FSD1L: variants seen among roughly 807,000 people sequenced by gnomAD.
The protein encoded by FSD1L is FSD1-like protein.
Under a neutral mutation model 71.6 loss-of-function variants are expected in FSD1L, and 45 were observed. The ratio of observed to expected loss-of-function variants is 0.63; its 90% CI spans 0.49 to 0.81. The LOEUF is 0.81. Ranked by LOEUF, FSD1L falls within the 30% of genes least tolerant of loss-of-function variation. The pLI, the probability that FSD1L is intolerant of heterozygous loss-of-function variation, is 0.00. For missense variants in FSD1L, 561 were observed against 618.1 expected (o/e 0.91, Z 0.98); for synonymous variants, 197 against 207.2 (o/e 0.95, Z 0.42).
rs552429151 is a variant in FSD1L, at chr9:105,456,537, A to C, written c.16-4983A>C. Among the ~76,000 whole-genome samples, 45 of 152,374 alleles carry C rather than the reference A, an allele frequency of 3.0e-4. 1 individual carries two copies. Among genetic ancestry groups the C allele is most frequent in the African/African-American group, 1.1e-3 (44 of 41,590 alleles). ...TGCTGCGTTGAAGAGAGTAACTTAT[A>C]TCTTGTACATCTTAGATTACTTTGA... On this transcript the variant is annotated intron_variant, in intron 1 of 13. Coordinates refer to ENST00000481272, the MANE Select transcript of FSD1L (RefSeq NM_001145313.3).
At chr9:105,517,994 AAGC>A (rs1219828276) in intron 10 of FSD1L, among the ~76,000 whole-genome samples, 1 of 152,200 alleles carries the variant, frequency 6.6e-6, no homozygotes, top group African/African-American at 2.4e-5. Flanking sequence ...AAGCAGAAAA[AAGC>A]AGGAGTTGCA....
intron 7 of FSD1L, among the ~76,000 whole-genome samples, chr9:105,488,859 G>T (rs1832729294): frequency 1.4e-5 from 2 of 144,530 alleles, no homozygotes; most frequent in African/African-American, 2.5e-5. Context: ...TTTTTATTAA[G>T]GCATGATATA....
intron 9 of FSD1L, among the ~76,000 whole-genome samples, chr9:105,510,950 AC>A (rs1564127038): frequency 2.6e-5 from 4 of 151,348 alleles, no homozygotes; most frequent in Admixed American, 6.6e-5. Flanking sequence ...ATATTATAGG[AC>A]TTATACAAGA....
intron 7 of FSD1L, among the ~76,000 whole-genome samples, chr9:105,491,746 A>G (rs919706872): frequency 2.0e-5 from 3 of 152,114 alleles, no homozygotes; most frequent in Non-Finnish European, 4.4e-5. Flanking sequence ...TTCTGCATCT[A>G]TTGAGATAAT....
chr9:105,463,306 A>G (rs1418078919), intron 2 of FSD1L, among the ~76,000 whole-genome samples: 2 of 152,222 alleles, frequency 1.3e-5, no homozygotes, highest in Non-Finnish European at 2.9e-5. Context: ...TGCTTACAGA[A>G]AAAAGTCCTA....
At chr9:105,476,058 A>G (rs553031097) in intron 5 of FSD1L, among the ~76,000 whole-genome samples, 1 of 152,228 alleles carries the variant, frequency 6.6e-6, no homozygotes, top group Non-Finnish European at 1.5e-5. Context: ...GTGCTTGATA[A>G]ATTCACAGAA....
rs527473226 is a variant in FSD1L, at chr9:105,524,982, A to C, written c.1026-9511A>C. ...TCCTGTATCCAGATCAGATCAGAAG[A>C]GAATATGCCTGGAGGAGGTTTATCT... is the stretch of plus-strand genomic sequence containing the variant. On this transcript the variant is annotated intron_variant, in intron 10 of 13. Coordinates refer to ENST00000481272, the MANE Select transcript of FSD1L (RefSeq NM_001145313.3). The C allele has an allele frequency of 5.0e-5, 81 of 1,605,008 alleles. No homozygotes were observed. The Middle Eastern group carries it at 1.0e-3, about 20-fold the overall frequency.
rs999768730 is a variant in FSD1L at position 105,549,624 on chromosome 9, T to G, written c.*3141T>G. The G allele has an allele frequency of 7.9e-5, 12 of 152,004 alleles. No individual in the cohort carries two copies. Among genetic ancestry groups the G allele is most frequent in the African/African-American group, 2.9e-4 (12 of 41,426 alleles). The allele number at this position is 152,004 out of a possible 1,614,324, so 9.4% of individuals were successfully genotyped here. A position where few individuals can be genotyped will look rare whatever the true frequency, so the allele number is the denominator to read the frequency against. ...ATGCAAACAGTAATTTTTCCCTATG[T>G]TATGAAGAGAGACATATTGGCTTGC... On this transcript the variant is annotated 3_prime_UTR_variant, in exon 14 of 14. Transcript: ENST00000481272.
chr9:105,487,955 C>G (rs1473272658), intron 7 of FSD1L, among the ~76,000 whole-genome samples: 1 of 152,122 alleles, frequency 6.6e-6, no homozygotes, highest in African/African-American at 2.4e-5. Context: ...CATGCATAGC[C>G]TTCTTCACTA....
Position 105,548,584 on chromosome 9 carries a change from A to G in FSD1L, c.*2101A>G, listed in dbSNP as rs1837135941. On this transcript the variant is annotated 3_prime_UTR_variant, in exon 14 of 14. Coordinates refer to ENST00000481272, the MANE Select transcript of FSD1L (RefSeq NM_001145313.3). ...TGCAGGGGCATGGGGAAATGCATATATTAATCAGGGGCTGGAGGAGTATAC... is the reference window on the plus strand; with the variant it reads ...TGCAGGGGCATGGGGAAATGCATATGTTAATCAGGGGCTGGAGGAGTATAC... 1 of 152,432 alleles carries G rather than the reference A, an allele frequency of 6.6e-6. No homozygotes were observed. 9.4% of individuals were successfully genotyped at this position (152,432 alleles called of 1,614,324 possible). A position where few individuals can be genotyped will look rare whatever the true frequency, so the allele number is the denominator to read the frequency against.
At chr9:105,462,777 C>A (rs945404748) in intron 2 of FSD1L, among the ~76,000 whole-genome samples, 1 of 150,066 alleles carries the variant, frequency 6.7e-6, no homozygotes, top group African/African-American at 2.5e-5. Flanking sequence ...CCTGCCTGGG[C>A]CTCCCATAGC....
At chr9:105,443,325 A>ACAGCTTTCATCTGCAGCTTTCATCTG (rs144633647), upstream of FSD1L, among the ~76,000 whole-genome samples, 4 of 152,130 alleles carry the variant, frequency 2.6e-5, no homozygotes, top group African/African-American at 9.7e-5. Flanking sequence ...CAGATGAAAG[A>ACAGCTTTCATCTGCAGCTTTCATCTG]CAGCTTTCAT....
At chr9:105,499,470 A>G (rs568339911) in intron 7 of FSD1L, among the ~76,000 whole-genome samples, 1 of 151,896 alleles carries the variant, frequency 6.6e-6, no homozygotes, top group South Asian at 2.1e-4. Flanking sequence ...GATTTCCTCA[A>G]TTTTTATTTG....
chr9:105,442,522 TAA>T, the FSD1L span, among the ~76,000 whole-genome samples: 305 of 125,912 alleles, frequency 2.4e-3, 2 homozygotes, highest in African/African-American at 8.1e-3. Flanking sequence ...CTACAAAACA[TAA>T]AAAAAAAAAA....
intron 4 of FSD1L, among the ~76,000 whole-genome samples, chr9:105,468,964 G>T (rs1831258071): frequency 6.6e-6 from 1 of 152,092 alleles, no homozygotes; most frequent in Non-Finnish European, 1.5e-5. Context: ...CAATCATCAT[G>T]TTATTTTCTG....
intron 13 of FSD1L, among the ~76,000 whole-genome samples, chr9:105,540,552 A>G (rs1166343689): frequency 6.6e-6 from 1 of 152,138 alleles, no homozygotes; most frequent in African/African-American, 2.4e-5. Flanking sequence ...TATAGACTGC[A>G]TTTACAATGC....
chr9:105,456,221 A>T (rs562808171), intron 1 of FSD1L, among the ~76,000 whole-genome samples: 1 of 152,190 alleles, frequency 6.6e-6, no homozygotes, highest in African/African-American at 2.4e-5. Context: ...CTTTAAGAGC[A>T]TAGACTTAGG....
intron 7 of FSD1L, among the ~76,000 whole-genome samples, chr9:105,491,919 T>G (rs1001968540): frequency 2.0e-5 from 3 of 152,152 alleles, no homozygotes; most frequent in African/African-American, 7.2e-5. Context: ...TATTGAGGAT[T>G]TTTGCATCAA....
chr9:105,522,460 C>G (rs1835232501), intron 10 of FSD1L: 1 of 1,613,704 alleles, frequency 6.2e-7, no homozygotes. Context: ...AGGAGTGCAA[C>G]AACCACTGGT....
Sources: gnomAD v4.1 joint callset for allele counts (sites outside exome capture counted in the v4.1 genomes callset) on GRCh38, gnomAD v4.1.1 for gene constraint, MANE v1.5 for transcripts, NCBI Gene and HGNC (gene_info 2026-07-23, HGNC 2026-07-21) for gene names.